STK3: variants seen among roughly 807,000 people sequenced by gnomAD.
STK3 encodes serine/threonine-protein kinase 3.
Under a neutral mutation model 58.0 loss-of-function variants are expected in STK3, and 41 were observed. The observed-to-expected ratio is 0.71, with a 90% CI of 0.55 to 0.92. STK3 has a LOEUF of 0.92. STK3 is among the 40% of genes least tolerant of loss of function. The pLI, the probability that STK3 is intolerant of heterozygous loss-of-function variation, is 0.00. For synonymous variants in STK3, 170 were observed against 191.0 expected (o/e 0.89, Z 0.91); for missense variants, 479 against 602.7 (o/e 0.79, Z 2.15).
intron 1 of STK3, among the ~76,000 whole-genome samples, chr8:98,918,233 T>C (rs1259602090): frequency 4.0e-4 from 61 of 152,292 alleles, no homozygotes; most frequent in Non-Finnish European, 1.6e-4. Context: ...ATATTATAGC[T>C]ATAATAATAA....
chr8:98,764,341 T>A (rs1830813034), intron 3 of STK3, among the ~76,000 whole-genome samples: 1 of 152,196 alleles, frequency 6.6e-6, no homozygotes, highest in Non-Finnish European at 1.5e-5. Flanking sequence ...GTACTCCTCA[T>A]ACATACCACA....
At chr8:98,553,682 G>A (rs1004582016) in intron 8 of STK3, among the ~76,000 whole-genome samples, 2 of 152,038 alleles carry the variant, frequency 1.3e-5, no homozygotes, top group South Asian at 2.1e-4. Flanking sequence ...ATTCTCTTTC[G>A]GCTGGGCATG....
intron 1 of STK3, chr8:98,782,265 A>G: frequency 5.8e-6 from 1 of 173,388 alleles, no homozygotes; most frequent in South Asian, 1.4e-4. Flanking sequence ...GGGCAGGTAC[A>G]TGGTCATAGG....
At chr8:98,691,844 A>C (rs1297348854) in intron 6 of STK3, among the ~76,000 whole-genome samples, 1 of 151,760 alleles carries the variant, frequency 6.6e-6, no homozygotes, top group African/African-American at 2.4e-5. Flanking sequence ...AGGCAGGAGA[A>C]TCGCTTGAAC....
chr8:98,572,622 T>C (rs1445179938), intron 8 of STK3, among the ~76,000 whole-genome samples: 1 of 152,180 alleles, frequency 6.6e-6, no homozygotes, highest in Non-Finnish European at 1.5e-5. Context: ...TAAAAATAAA[T>C]GGCAATGTAG....
At chr8:98,883,514 G>A (rs557059263), downstream of STK3, 1 of 582,294 alleles carries the variant, frequency 1.7e-6, no homozygotes, top group African/African-American at 1.9e-5. Context: ...GAAGTCCTTT[G>A]TTTCCAAGTA....
chr8:98,551,529 A>G (rs767120003), intron 8 of STK3, among the ~76,000 whole-genome samples: 4 of 152,184 alleles, frequency 2.6e-5, no homozygotes, highest in Non-Finnish European at 4.4e-5. Context: ...GATGGTCCTC[A>G]TGCATAAATG....
At chr8:98,673,666 T>C (rs939063240) in intron 6 of STK3, among the ~76,000 whole-genome samples, 3 of 152,104 alleles carry the variant, frequency 2.0e-5, no homozygotes, top group African/African-American at 4.8e-5. Context: ...GGGTTGTATT[T>C]TGGAGTGAAA....
chr8:98,565,163 C>T (rs1812373912), intron 8 of STK3, among the ~76,000 whole-genome samples: 1 of 152,084 alleles, frequency 6.6e-6, no homozygotes, highest in African/African-American at 2.4e-5. Context: ...TCACCCAGGC[C>T]ACACATTGGA....
At chr8:98,839,771 A>G (rs1047943780) in intron 3 of STK3, among the ~76,000 whole-genome samples, 2 of 152,220 alleles carry the variant, frequency 1.3e-5, no homozygotes, top group African/African-American at 4.8e-5. Context: ...TGTGGCTTCT[A>G]AAATTTCCTT....
chr8:98,870,375 G>T (rs1348048555), intron 3 of STK3, among the ~76,000 whole-genome samples: 1 of 152,184 alleles, frequency 6.6e-6, no homozygotes, highest in African/African-American at 2.4e-5. Context: ...GGATGGCTGG[G>T]TCAAATGGTA....
chr8:98,712,790 G>A (rs1329957868), intron 4 of STK3, among the ~76,000 whole-genome samples: 1 of 152,120 alleles, frequency 6.6e-6, no homozygotes, highest in African/African-American at 2.4e-5. Flanking sequence ...GGACCTAATA[G>A]ACATCTACAG....
intron 4 of STK3, among the ~76,000 whole-genome samples, chr8:98,711,476 A>C (rs1452550800): frequency 6.6e-6 from 1 of 152,248 alleles, no homozygotes; most frequent in African/African-American, 2.4e-5. Flanking sequence ...CACGAGAACT[A>C]CGTGACAAAT....
At chr8:98,774,858 T>C (rs1302038694) in intron 1 of STK3, 39 bp from the exon 2 acceptor site, 1 of 1,433,514 alleles carries the variant, frequency 7.0e-7, no homozygotes, top group Non-Finnish European at 9.3e-7. Context: ...ATATTTTCTT[T>C]AAAGACCTTT....
intron 1 of STK3, among the ~76,000 whole-genome samples, chr8:98,897,957 C>G (rs948696663): frequency 6.6e-6 from 1 of 152,244 alleles, no homozygotes; most frequent in African/African-American, 2.4e-5. Flanking sequence ...GAAATCAGAG[C>G]TCTTCTGCCC....
chr8:98,729,941 G>T (rs73699919), intron 4 of STK3, among the ~76,000 whole-genome samples: 3,562 of 152,162 alleles, frequency 0.023, 130 homozygotes, highest in African/African-American at 0.08. Context: ...ACCTCCATAT[G>T]TTTCCATTTC....
intron 1 of STK3, among the ~76,000 whole-genome samples, chr8:98,895,938 T>C (rs959887623): frequency 2.6e-5 from 4 of 152,124 alleles, no homozygotes; most frequent in African/African-American, 9.7e-5. Context: ...ACCAGAAAAA[T>C]AAGACAGGCA....
At chr8:98,696,109 T>A (rs1587328008) in intron 6 of STK3, among the ~76,000 whole-genome samples, 1 of 152,144 alleles carries the variant, frequency 6.6e-6, no homozygotes, top group Admixed American at 6.5e-5. Flanking sequence ...CCCAGGTATT[T>A]TATTCTCTTT....
At chr8:98,893,492 GAAAGAAAGAAAGAA>G (rs1838318684) in intron 1 of STK3, among the ~76,000 whole-genome samples, 1 of 86,868 alleles carries the variant, frequency 1.2e-5, no homozygotes, top group African/African-American at 4.0e-5. Context: ...GAAAGAGAAA[GAAAGAAAGAAAGAA>G]AGAAAGAAAG....
Sources: allele counts gnomAD v4.1 joint callset (sites outside exome capture counted in the v4.1 genomes callset), GRCh38; gene constraint gnomAD v4.1.1; transcripts MANE v1.5; gene names NCBI Gene and HGNC (gene_info 2026-07-23, HGNC 2026-07-21).